CELF2: variants seen among roughly 807,000 people sequenced by gnomAD.
CELF2 encodes the protein CUGBP Elav-like family member 2.
In CELF2, 8 loss-of-function variants were observed where a neutral mutation model predicts 62.6. That is an observed-to-expected ratio of 0.13 (90% CI 0.07 to 0.23). CELF2 has a LOEUF of 0.23. Ranked by LOEUF, CELF2 falls within the 10% of genes least tolerant of loss-of-function variation. The pLI, the probability that CELF2 is intolerant of heterozygous loss-of-function variation, is 1.00. For synonymous variants in CELF2, 258 were observed against 250.0 expected, an observed-to-expected ratio of 1.03 and a Z score of -0.30; for missense variants, 333 against 671.0, an observed-to-expected ratio of 0.50 and a Z score of 5.56.
intron 2 of CELF2, among the ~76,000 whole-genome samples, chr10:10,969,444 C>T (rs1371353126): frequency 2.0e-5 from 3 of 152,088 alleles, no homozygotes; most frequent in Non-Finnish European, 4.4e-5. Flanking sequence ...AGACTTAGCC[C>T]TTAAGTAGAT....
intron 1 of CELF2, among the ~76,000 whole-genome samples, chr10:10,801,248 C>T (rs2131515034): frequency 6.6e-6 from 1 of 152,340 alleles, no homozygotes; most frequent in Middle Eastern, 3.4e-3. Context: ...CTGTCCACAC[C>T]TCTTCTTGGC....
Position 11,312,228 on chromosome 10 carries a change from T to G in CELF2, c.977-1911T>G, listed in dbSNP as rs574939613. 3.9e-5 allele frequency among the ~76,000 whole-genome samples: 6 copies of G among 152,274 alleles called. No homozygotes were observed. The South Asian group carries it at 8.3e-4, about 21-fold the overall frequency. On this transcript the variant is annotated intron_variant, in intron 9 of 12. Transcript: ENST00000633077. ...ATGTAATTTTCATACAAACCAAAGC[T>G]AAAAGACTTTTTCACCAATAGACCC...
At chr10:10,788,323 T>G in the CELF2 span, among the ~76,000 whole-genome samples, 2 of 151,836 alleles carry the variant, frequency 1.3e-5, no homozygotes, top group Non-Finnish European at 2.9e-5. Context: ...ATGAGAATGG[T>G]CCTGGTTTTC....
chr10:10,975,631 T>C (rs980479306), intron 2 of CELF2, among the ~76,000 whole-genome samples: 5 of 152,206 alleles, frequency 3.3e-5, no homozygotes, highest in Non-Finnish European at 7.3e-5. Context: ...GGTGGTTGAT[T>C]AAGAGGAATC....
chr10:10,834,222 T>C (rs2058094573), intron 1 of CELF2, among the ~76,000 whole-genome samples: 1 of 152,072 alleles, frequency 6.6e-6, no homozygotes. Context: ...GAAAACCAAA[T>C]ACTGCGTGTT....
chr10:10,681,378 C>T, the CELF2 span, among the ~76,000 whole-genome samples: 1 of 152,150 alleles, frequency 6.6e-6, no homozygotes, highest in Non-Finnish European at 1.5e-5. Context: ...AAATCAATGA[C>T]TGCCCAGGTC....
chr10:10,595,896 T>TA, the CELF2 span, among the ~76,000 whole-genome samples: 1 of 151,830 alleles, frequency 6.6e-6, no homozygotes, highest in Non-Finnish European at 1.5e-5. Context: ...ATTCCATCTT[T>TA]AAAAAAAGAA....
At position 11,335,400 on chromosome 10, in the gene CELF2, GT is replaced by G. The variant is rs1370588508; in HGVS notation, c.*6348del. On this transcript the variant is annotated 3_prime_UTR_variant, in exon 13 of 13. Coordinates refer to ENST00000633077, the MANE Select transcript of CELF2 (RefSeq NM_001326342.2). This position sits in a 1 kb window ranked among gnomAD's most constrained non-coding sequence, Gnocchi z 5.0. ...CCTGGCAGCCTTCCTCTGCGTGCCA[GT>G]GAAATCTCTCCCAGTAGGTGCTCAG... 1.3e-5 allele frequency: 2 copies of G among 152,590 alleles called. No individual in the cohort carries two copies. The highest frequency in any genetic ancestry group is 3.9e-4 in the East Asian group (2 of 5,186). The allele number at this position is 152,590 out of a possible 1,614,324, so 9.5% of individuals were successfully genotyped here.
At chr10:10,940,335 G>C (rs1393218614) in intron 2 of CELF2, among the ~76,000 whole-genome samples, 1 of 152,084 alleles carries the variant, frequency 6.6e-6, no homozygotes, top group Non-Finnish European at 1.5e-5. Context: ...GCAGTTCATA[G>C]GTCTCAATGA....
At chr10:11,173,156 C>T (rs2069543370) in intron 2 of CELF2, among the ~76,000 whole-genome samples, 1 of 152,208 alleles carries the variant, frequency 6.6e-6, no homozygotes, top group African/African-American at 2.4e-5. Flanking sequence ...GATGTCTTAC[C>T]ATCAGTCACC....
upstream of CELF2, among the ~76,000 whole-genome samples, chr10:11,014,607 A>G (rs2056973214): frequency 6.6e-6 from 1 of 151,434 alleles, no homozygotes; most frequent in South Asian, 2.1e-4. Flanking sequence ...ATTTATTAGC[A>G]CTGTTTCCAT....
intron 1 of CELF2, among the ~76,000 whole-genome samples, chr10:11,069,714 A>G (rs1232111505): frequency 6.6e-6 from 1 of 152,188 alleles, no homozygotes; most frequent in Non-Finnish European, 1.5e-5. Flanking sequence ...TTGGCTTGTC[A>G]CTCTAATTGA....
At chr10:11,041,816 T>A (rs2061893442) in intron 1 of CELF2, among the ~76,000 whole-genome samples, 1 of 152,218 alleles carries the variant, frequency 6.6e-6, no homozygotes. Flanking sequence ...ATCTGTAAGC[T>A]GATATAGTTG....
the CELF2 span, among the ~76,000 whole-genome samples, chr10:10,488,290 G>C: frequency 6.6e-6 from 1 of 152,080 alleles, no homozygotes; most frequent in South Asian, 2.1e-4. Context: ...TTGAAAACAT[G>C]AGTCAGACAA....
At chr10:10,550,430 T>G in the CELF2 span, among the ~76,000 whole-genome samples, 1 of 152,140 alleles carries the variant, frequency 6.6e-6, no homozygotes, top group African/African-American at 2.4e-5. Context: ...CTGTCTAGTG[T>G]GCATAGAAGC....
intron 1 of CELF2, among the ~76,000 whole-genome samples, chr10:10,818,880 C>G (rs1004104911): frequency 6.6e-6 from 1 of 152,116 alleles, no homozygotes; most frequent in African/African-American, 2.4e-5. Flanking sequence ...GCCCAGACAG[C>G]GTGGCATATT....
intron 3 of CELF2, among the ~76,000 whole-genome samples, chr10:11,221,649 G>A (rs1224946450): frequency 6.6e-6 from 1 of 152,210 alleles, no homozygotes; most frequent in Non-Finnish European, 1.5e-5. Context: ...TAACAGAGAG[G>A]AATACAGTTT....
chr10:10,990,093 C>T lies in CELF2; in HGVS notation c.89+70094C>T, dbSNP rs1291112015. Among the ~76,000 whole-genome samples, 1 of 152,112 alleles carries T rather than the reference C, an allele frequency of 6.6e-6. No homozygotes were observed. Among genetic ancestry groups the T allele is most frequent in the East Asian group, 1.9e-4 (1 of 5,198 alleles). On this transcript the variant is annotated intron_variant, in intron 2 of 13. Transcript: ENST00000636488. The surrounding 1 kb of genome is among the most constrained non-coding windows in gnomAD (Gnocchi z 4.6). ...CTCTGAAGAAAATCAGAATTACCCA[C>T]ATACATTCACAAGAATTTTCATCTC...
At chr10:10,712,617 T>G in the CELF2 span, among the ~76,000 whole-genome samples, 2 of 152,202 alleles carry the variant, frequency 1.3e-5, no homozygotes, top group South Asian at 2.1e-4. Flanking sequence ...GAGACCAGTA[T>G]TCAGACATCC....
Sources: allele counts gnomAD v4.1 joint callset (sites outside exome capture counted in the v4.1 genomes callset), GRCh38; gene constraint gnomAD v4.1.1; non-coding constraint Gnocchi (gnomAD v3.1); transcripts MANE v1.5; gene names NCBI Gene and HGNC (gene_info 2026-07-23, HGNC 2026-07-21).